Variants in SRCIN1 observed in about 807,000 individuals in gnomAD.
SRCIN1 encodes SRC kinase signaling inhibitor 1, also known as P130Cas-associated protein.
In SRCIN1, 50 loss-of-function variants were observed where a neutral mutation model predicts 116.2. The observed-to-expected ratio is 0.43, with a 90% CI of 0.34 to 0.54. The LOEUF (loss-of-function observed/expected upper bound fraction) is 0.54. Among genes scored for constraint, SRCIN1 ranks in the 20% least tolerant of loss-of-function variants. The pLI, the probability that SRCIN1 is intolerant of heterozygous loss-of-function variation, is 0.02. For missense variants in SRCIN1, 1,446 were observed against 1,672.0 expected (o/e 0.86, Z 2.36); for synonymous variants, 736 against 750.0 (o/e 0.98, Z 0.30).
At chr17:38,576,092 A>T (rs1225113825) in intron 2 of SRCIN1, among the ~76,000 whole-genome samples, 1 of 152,072 alleles carries the variant, frequency 6.6e-6, no homozygotes, top group East Asian at 1.9e-4. Flanking sequence ...ACATGCTAGA[A>T]CATAGGAGGC....
At chr17:38,554,680 G>C (rs1422845391) in intron 11 of SRCIN1, among the ~76,000 whole-genome samples, 1 of 152,188 alleles carries the variant, frequency 6.6e-6, no homozygotes, top group Non-Finnish European at 1.5e-5. Context: ...CACCTGGCAT[G>C]GTGCCTGGTG....
rs2040947991 is a variant in SRCIN1 at position 38,533,152 on chromosome 17, T to G, written c.*145A>C. ...CCAACAGATGATGGGTAGGGGTCGCTGAGGAGGGCCGCACCCTCCTCTTCA... is the reference window on the plus strand; with the variant it reads ...CCAACAGATGATGGGTAGGGGTCGCGGAGGAGGGCCGCACCCTCCTCTTCA... On this transcript the variant is annotated 3_prime_UTR_variant, in exon 19 of 19. Transcript: ENST00000617146. 64 of 733,774 alleles carry G rather than the reference T, an allele frequency of 8.7e-5. No homozygotes were observed. Among genetic ancestry groups the G allele is most frequent in the East Asian group, 1.3e-4 (3 of 23,794 alleles). The allele number at this position is 733,774 out of a possible 1,614,324, so 45.5% of individuals were successfully genotyped here.
intron 8 of SRCIN1, 66 bp from the exon 9 acceptor site, chr17:38,560,163 A>G: frequency 6.9e-7 from 1 of 1,450,562 alleles, no homozygotes; most frequent in South Asian, 1.4e-5. Flanking sequence ...AGCTGGGTGG[A>G]ACCTTGGATG....
chr17:38,567,185 G>A (rs147015747), intron 3 of SRCIN1, among the ~76,000 whole-genome samples: 20 of 152,280 alleles, frequency 1.3e-4, no homozygotes, highest in Non-Finnish European at 2.1e-4. Flanking sequence ...GATTACAGGC[G>A]TGAGCCAGCA....
At chr17:38,557,253 T>C (rs139263638) in intron 11 of SRCIN1, among the ~76,000 whole-genome samples, 3,110 of 152,352 alleles carry the variant, frequency 0.02, 42 homozygotes, top group Non-Finnish European at 0.031. Context: ...GTGAGGAAGC[T>C]GGGCTCCAAG....
upstream of SRCIN1, among the ~76,000 whole-genome samples, chr17:38,606,880 C>T (rs1015348346): frequency 1.1e-4 from 16 of 152,252 alleles, no homozygotes; most frequent in African/African-American, 3.6e-4. This position sits in a 1 kb window ranked among gnomAD's most constrained non-coding sequence, Gnocchi z 5.2. Flanking sequence ...TCTGGCCAGT[C>T]CCTTCTCTCT....
intron 2 of SRCIN1, among the ~76,000 whole-genome samples, chr17:38,576,627 C>T (rs1197921841): frequency 6.6e-6 from 1 of 152,100 alleles, no homozygotes. Context: ...AGAGCATCCC[C>T]AAGAATGCCC....
At position 38,533,133 on chromosome 17, in the gene SRCIN1, G is replaced by T; in HGVS notation, c.*164C>A. 3.8e-6 allele frequency: 2 copies of T among 523,884 alleles called. No individual in the cohort carries two copies. The highest frequency in any genetic ancestry group is 5.7e-6 in the Non-Finnish European group (2 of 352,982). 32.5% of individuals were successfully genotyped at this position (523,884 alleles called of 1,614,324 possible). A position where few individuals can be genotyped will look rare whatever the true frequency, so the allele number is the denominator to read the frequency against. On this transcript the variant is annotated 3_prime_UTR_variant, in exon 19 of 19. Transcript: ENST00000617146. ...AAAAACAAAACCAAAAACACCAACA[G>T]ATGATGGGTAGGGGTCGCTGAGGAG...
At chr17:38,574,539 A>C (rs1246290100) in intron 2 of SRCIN1, among the ~76,000 whole-genome samples, 1 of 152,180 alleles carries the variant, frequency 6.6e-6, no homozygotes, top group African/African-American at 2.4e-5. Context: ...GATAGTCCTC[A>C]GTGGGAGGAG....
intron 10 of SRCIN1, chr17:38,559,310 A>G (rs757347465): frequency 1.1e-5 from 6 of 522,450 alleles, no homozygotes; most frequent in Non-Finnish European, 2.0e-5. Context: ...CAGGAGGGCG[A>G]TGGGGACTCA....
intron 1 of SRCIN1, among the ~76,000 whole-genome samples, chr17:38,581,270 A>G (rs1907786512): frequency 6.6e-6 from 1 of 152,034 alleles, no homozygotes; most frequent in Non-Finnish European, 1.5e-5. Flanking sequence ...GCCGGGAGTG[A>G]TAGTGGGCAC....
chr17:38,566,023 AC>A (rs987631026), intron 3 of SRCIN1, among the ~76,000 whole-genome samples: 9 of 152,088 alleles, frequency 5.9e-5, no homozygotes, highest in African/African-American at 1.2e-4. Flanking sequence ...AGTGTGGGGA[AC>A]CAGGTCTGGT....
intron 7 of SRCIN1, 29 bp from the exon 8 acceptor site, chr17:38,560,454 C>G (rs369759582): frequency 8.9e-6 from 14 of 1,571,784 alleles, no homozygotes; most frequent in Non-Finnish European, 1.1e-5. Flanking sequence ...TGGGCAACCT[C>G]GCCTCTGAGC....
chr17:38,565,559 G>T (rs1486392648), intron 3 of SRCIN1, among the ~76,000 whole-genome samples: 1 of 151,982 alleles, frequency 6.6e-6, no homozygotes, highest in Non-Finnish European at 1.5e-5. Context: ...TTTAAAAAAA[G>T]ACAACAATAA....
chr17:38,540,741 GT>G (rs1904681450), intron 18 of SRCIN1, among the ~76,000 whole-genome samples: 1 of 78,568 alleles, frequency 1.3e-5, no homozygotes, highest in Non-Finnish European at 2.4e-5. Flanking sequence ...GCTGGCAGGG[GT>G]GTGTGTGTGT....
rs1464022037 is a variant in SRCIN1 at position 38,548,722 on chromosome 17, G to A, written c.3118-13C>T. The A allele has an allele frequency of 1.9e-6, 3 of 1,578,100 alleles. No homozygotes were observed. Among genetic ancestry groups the A allele is most frequent in the Non-Finnish European group, 2.6e-6 (3 of 1,165,050 alleles). On this transcript the variant is annotated splice_polypyrimidine_tract_variant and intron_variant, in intron 16 of 18. Coordinates refer to ENST00000617146, the MANE Select transcript of SRCIN1 (RefSeq NM_025248.3). ...CGGACTCAGCCTTCTGCAAGGCCCG[G>A]GACTCCTGTCAAGGCCAGGCTCTGC... is the stretch of plus-strand genomic sequence containing the variant.
At chr17:38,569,053 T>C (rs1906904383) in intron 2 of SRCIN1, among the ~76,000 whole-genome samples, 1 of 151,576 alleles carries the variant, frequency 6.6e-6, no homozygotes, top group Non-Finnish European at 1.5e-5. Context: ...GGGCAATCAA[T>C]GGCTGGGGAG....
chr17:38,562,062 G>A lies in SRCIN1; in HGVS notation c.1101C>T (p.Ala367=). 1.3e-6 allele frequency: 2 copies of A among 1,483,816 alleles called. No individual in the cohort carries two copies. The highest frequency in any genetic ancestry group is 1.8e-6 in the Non-Finnish European group (2 of 1,124,800). The allele number at this position is 1,483,816 out of a possible 1,614,324, so 91.9% of individuals were successfully genotyped here. The change falls in exon 7 of 19, where the codon GCC becomes GCT. Residue 367 remains alanine, a synonymous_variant. Transcript: ENST00000617146. The surrounding 1 kb of genome is among the most constrained non-coding windows in gnomAD (Gnocchi z 4.2). The part of the protein sequence containing the change: ...AAQGVSPSPS[A]ILERRDVKPD... ...GCTTCACGTCGCGCCGCTCCAGGAT[G>A]GCGCTGGGGCTGGGGCTGACGCCCT...
intron 10 of SRCIN1, 93 bp downstream of exon 10, chr17:38,559,492 G>T: frequency 7.5e-7 from 1 of 1,334,262 alleles, no homozygotes; most frequent in East Asian, 2.5e-5. Flanking sequence ...CTGGGAAAAG[G>T]ATGAGGTAGT....
Sources: gnomAD v4.1 joint callset for allele counts (sites outside exome capture counted in the v4.1 genomes callset) on GRCh38, gnomAD v4.1.1 for gene constraint, Gnocchi (gnomAD v3.1) non-coding constraint, MANE v1.5 for transcripts, NCBI Gene and HGNC (gene_info 2026-07-23, HGNC 2026-07-21) for gene names.